Variants in HS1BP3 observed in about 807,000 individuals in gnomAD.
HS1BP3 encodes the protein HCLS1 binding protein 3.
In HS1BP3, 32 loss-of-function variants were observed where a neutral mutation model predicts 33.5. That is an observed-to-expected ratio of 0.95 (90% confidence interval 0.72 to 1.28). The LOEUF is 1.28. HS1BP3 is among the 50% of genes most tolerant of loss of function. The probability of loss-of-function intolerance (pLI) is 0.00; values close to 1 mark genes in which losing one functional copy is unlikely to be tolerated. For synonymous variants in HS1BP3, 187 were observed against 209.2 expected, an observed-to-expected ratio of 0.89 and a Z score of 0.92; for missense variants, 486 against 502.3, an observed-to-expected ratio of 0.97 and a Z score of 0.31.
intron 4 of HS1BP3, chr2:20,637,812 C>A (rs1695187512): frequency 6.5e-6 from 1 of 154,150 alleles, no homozygotes; most frequent in Non-Finnish European, 1.4e-5. Flanking sequence ...GAGGACAGCA[C>A]CCCTGGCCTG....
At chr2:20,645,164 G>A (rs950327812) in intron 2 of HS1BP3, among the ~76,000 whole-genome samples, 176 bp downstream of exon 2, 6 of 152,204 alleles carry the variant, frequency 3.9e-5, no homozygotes, top group African/African-American at 1.2e-4. Context: ...GACTGAGAGC[G>A]TCTGATTCAC....
intron 2 of HS1BP3, among the ~76,000 whole-genome samples, chr2:20,609,840 C>T (rs1463485075): frequency 2.0e-5 from 3 of 152,148 alleles, no homozygotes. Context: ...GCCCCCAGCC[C>T]CTTGACTCAG....
chr2:20,588,801 C>T (rs1317231632), downstream of HS1BP3, among the ~76,000 whole-genome samples: 3 of 152,248 alleles, frequency 2.0e-5, no homozygotes, highest in Non-Finnish European at 2.9e-5. Flanking sequence ...AGGCACAGGA[C>T]ATCTCTACTC....
Position 20,618,472 on chromosome 2 carries a change from G to A in HS1BP3, c.*515C>T. ...TGGCTTGGGGACGTCCCCACCCCAG[G>A]CCCAGGCCAGTCAGTCACCCAGGCT... On this transcript the variant is annotated 3_prime_UTR_variant, in exon 7 of 7. Transcript: ENST00000304031. The A allele has an allele frequency of 6.3e-6, 1 of 157,912 alleles. No homozygotes were observed. The allele number at this position is 157,912 out of a possible 1,614,324, so 9.8% of individuals were successfully genotyped here. A position where few individuals can be genotyped will look rare whatever the true frequency, so the allele number is the denominator to read the frequency against.
chr2:20,628,653 CTG>C (rs2149294350), intron 4 of HS1BP3, among the ~76,000 whole-genome samples: 1 of 149,052 alleles, frequency 6.7e-6, no homozygotes, highest in East Asian at 2.0e-4. Context: ...AAAAAGGAAA[CTG>C]TTCATTAGCA....
At chr2:20,627,249 C>T (rs1032383687) in intron 4 of HS1BP3, among the ~76,000 whole-genome samples, 5 of 152,212 alleles carry the variant, frequency 3.3e-5, no homozygotes, top group Admixed American at 3.3e-4. Context: ...TGCTCTGCAG[C>T]CTCCCCCAGC....
intron 2 of HS1BP3, among the ~76,000 whole-genome samples, chr2:20,601,410 AAG>A (rs1558329745): frequency 6.6e-6 from 1 of 152,214 alleles, no homozygotes; most frequent in African/African-American, 2.4e-5. Flanking sequence ...TGAATAAACT[AAG>A]AGAACGCAGA....
At chr2:20,640,514 G>A in intron 3 of HS1BP3, 1 of 385,394 alleles carries the variant, frequency 2.6e-6, no homozygotes, top group East Asian at 3.8e-5. Flanking sequence ...CTCTGTGGGG[G>A]CACAGGTGAG....
At chr2:20,570,492 C>T (rs1358864859) in intron 5 of HS1BP3, among the ~76,000 whole-genome samples, 1 of 152,158 alleles carries the variant, frequency 6.6e-6, no homozygotes, top group Non-Finnish European at 1.5e-5. Context: ...TACTCGATGT[C>T]GCCTGGCAGC....
intron 3 of HS1BP3, 147 bp from the exon 4 acceptor site, chr2:20,638,799 T>C (rs1211726862): frequency 3.1e-6 from 2 of 645,364 alleles, no homozygotes; most frequent in Non-Finnish European, 5.3e-6. Context: ...TCCTGGGACC[T>C]AAGCAGGATG....
downstream of HS1BP3, among the ~76,000 whole-genome samples, chr2:20,616,114 G>A (rs1450053072): frequency 6.6e-6 from 1 of 152,202 alleles, no homozygotes; most frequent in Non-Finnish European, 1.5e-5. Flanking sequence ...AACAAGTGTT[G>A]TTGTCCCCAG....
intron 5 of HS1BP3, among the ~76,000 whole-genome samples, chr2:20,582,027 T>G (rs909768595): frequency 1.3e-5 from 2 of 152,076 alleles, no homozygotes; most frequent in African/African-American, 4.8e-5. Flanking sequence ...CACAAAATAG[T>G]CTGTTTTTAT....
chr2:20,602,216 G>A (rs73916905), intron 2 of HS1BP3, among the ~76,000 whole-genome samples: 8,275 of 151,268 alleles, frequency 0.055, 235 homozygotes, highest in African/African-American at 0.073. Flanking sequence ...GGAGCCATGC[G>A]GGGGGAATTT....
downstream of HS1BP3, among the ~76,000 whole-genome samples, chr2:20,615,007 A>G (rs367646516): frequency 3.3e-5 from 5 of 152,256 alleles, no homozygotes; most frequent in South Asian, 6.2e-4. Flanking sequence ...GTCAGTGGTC[A>G]GCACTGGGGC....
chr2:20,567,088 C>T (rs1693147936), intron 5 of HS1BP3, among the ~76,000 whole-genome samples: 5 of 152,220 alleles, frequency 3.3e-5, no homozygotes, highest in Non-Finnish European at 7.3e-5. Flanking sequence ...CACCATCACA[C>T]AGATTCATCT....
chr2:20,594,328 T>C (rs1693896344), intron 3 of HS1BP3, among the ~76,000 whole-genome samples: 1 of 152,156 alleles, frequency 6.6e-6, no homozygotes, highest in South Asian at 2.1e-4. Flanking sequence ...TGCCTGATGA[T>C]AGAGAAAAGA....
At chr2:20,580,457 T>C (rs1329682809) in intron 5 of HS1BP3, among the ~76,000 whole-genome samples, 2 of 151,880 alleles carry the variant, frequency 1.3e-5, no homozygotes, top group Non-Finnish European at 2.9e-5. Flanking sequence ...AGGTAGAGGT[T>C]GCAGTGAGCC....
intron 5 of HS1BP3, among the ~76,000 whole-genome samples, chr2:20,587,289 T>C (rs1308518548): frequency 6.6e-6 from 1 of 152,196 alleles, no homozygotes; most frequent in Non-Finnish European, 1.5e-5. Context: ...AAAAGGAGGC[T>C]GCAAAGCGTA....
At chr2:20,588,729 C>G (rs1242592650), downstream of HS1BP3, among the ~76,000 whole-genome samples, 2 of 152,240 alleles carry the variant, frequency 1.3e-5, no homozygotes, top group Admixed American at 1.3e-4. Context: ...CCCCTCTGCC[C>G]TCCTCTCTGG....
Sources: gnomAD v4.1 joint callset for allele counts (sites outside exome capture counted in the v4.1 genomes callset) on GRCh38, gnomAD v4.1.1 for gene constraint, MANE v1.5 for transcripts, NCBI Gene and HGNC (gene_info 2026-07-23, HGNC 2026-07-21) for gene names.